The following PDK2 variants were observed in gnomAD, a reference collection of about 807,000 sequenced individuals.
The protein encoded by PDK2 is pyruvate dehydrogenase kinase 2, also known as pyruvate dehydrogenase kinase, isozyme 2.
A neutral mutation model predicts 50.4 loss-of-function variants in PDK2; 34 were observed. The observed-to-expected ratio is 0.68, with a 90% CI of 0.51 to 0.90. PDK2 has a LOEUF of 0.90. Ranked by LOEUF, PDK2 falls within the 40% of genes least tolerant of loss-of-function variation. PDK2 has a pLI of 0.00. For synonymous variants in PDK2, 232 were observed against 216.0 expected, an observed-to-expected ratio of 1.07 and a Z score of -0.65; for missense variants, 377 against 544.5, an observed-to-expected ratio of 0.69 and a Z score of 3.06.
In PDK2 at chr17:50,110,193, GGGTT is replaced by G; in HGVS notation, c.*97_*100del. ...CCATCCTCCTGGGGGAGCAGGGGGT[GGGTT>G]CTCCCTGATGACCAGGTTCTGTCTC... On this transcript the variant is annotated 3_prime_UTR_variant, in exon 11 of 11. Coordinates refer to ENST00000503176, the MANE Select transcript of PDK2 (RefSeq NM_002611.5). 1 of 1,341,288 alleles carries G rather than the reference GGGTT, an allele frequency of 7.5e-7. No individual in the cohort carries two copies. The highest frequency in any genetic ancestry group is 2.6e-5 in the East Asian group (1 of 39,024). 83.1% of individuals were successfully genotyped at this position (1,341,288 alleles called of 1,614,324 possible). A position where few individuals can be genotyped will look rare whatever the true frequency, so the allele number is the denominator to read the frequency against.
intron 4 of PDK2, chr17:50,106,315 C>A (rs1336614493): frequency 4.1e-6 from 4 of 969,288 alleles, no homozygotes; most frequent in Non-Finnish European, 5.8e-6. Context: ...TATGTCACAT[C>A]TTTAAAAGAA....
At position 50,095,364 on chromosome 17, in the gene PDK2, C is replaced by T. The variant is rs564606961; in HGVS notation, c.-72C>T. On this transcript the variant is annotated 5_prime_UTR_variant, in exon 1 of 11. Transcript: ENST00000503176. ...GGGTAGGGAGGAGGCGGCCGAACCG[C>T]GTCGCTGGGCCGAAAGGTGCGCGAG... 76 of 1,123,570 alleles carry T rather than the reference C, an allele frequency of 6.8e-5. 1 individual carries two copies. In the South Asian group the frequency reaches 6.9e-4, roughly 10 times the overall value. 69.6% of individuals were successfully genotyped at this position (1,123,570 alleles called of 1,614,324 possible).
chr17:50,104,188 C>T (rs1910382364), intron 2 of PDK2: 1 of 152,230 alleles, frequency 6.6e-6, no homozygotes, highest in Admixed American at 6.5e-5. Context: ...AGCTTGGTAC[C>T]ATCTGCCACC....
rs1338881254 is a variant in PDK2, at chr17:50,095,515, C to T, written c.80C>T (p.Ser27Phe). Reference sequence around the variant, plus strand: ...TACATAGAGCACTTCAGCAAGTTCTCCCCGTCCCCGCTGTCCATGAAGCAG... The same window carrying T: ...TACATAGAGCACTTCAGCAAGTTCTTCCCGTCCCCGCTGTCCATGAAGCAG... ...PKYIEHFSKF[S>F]PSPLSMKQFL... The change falls in exon 1 of 11, where the codon TCC (serine) becomes TTC (phenylalanine). Residue 27 changes from serine (S) to phenylalanine (F), a missense_variant. Ser to Phe is a radical substitution (Grantham distance 155). Coordinates refer to ENST00000503176, the MANE Select transcript of PDK2 (RefSeq NM_002611.5). 6.2e-6 allele frequency: 10 copies of T among 1,606,768 alleles called. No homozygotes were observed. Among genetic ancestry groups the T allele is most frequent in the Non-Finnish European group, 8.5e-6 (10 of 1,176,860 alleles).
chr17:50,096,885 C>T (rs1413486621), intron 1 of PDK2, among the ~76,000 whole-genome samples: 5 of 152,360 alleles, frequency 3.3e-5, no homozygotes, highest in African/African-American at 1.2e-4. Context: ...ATTTGGACTC[C>T]TGTTCTCAGG....
At position 50,107,147 on chromosome 17, in the gene PDK2, A is replaced by C; in HGVS notation, c.679A>C (p.Ile227Leu). Residue 227 changes from isoleucine (I) to leucine (L), a missense_variant, in exon 6 of 11, where the codon ATC becomes CTC. Physicochemically the swap from Ile to Leu is conservative, Grantham distance 5. Transcript: ENST00000503176. ...CTCACCTGACCTGGAGATCCAGGAG[A>C]TCAATGGTGAGTGAGCGGGGCTGTG... Reference protein sequence around the residue: ...MASPDLEIQEINAANSKQPIH... With the variant: ...MASPDLEIQELNAANSKQPIH... 1.2e-6 allele frequency: 2 copies of C among 1,613,754 alleles called. No individual in the cohort carries two copies. Among genetic ancestry groups the C allele is most frequent in the Non-Finnish European group, 1.7e-6 (2 of 1,179,706 alleles).
In PDK2 at chr17:50,106,863, A is replaced by G. The variant is rs779894227; in HGVS notation, c.587A>G (p.Asn196Ser). The change falls in exon 5 of 11, where the codon AAC (asparagine) becomes AGC (serine). Residue 196 changes from asparagine (N) to serine (S), a missense_variant. Transcript: ENST00000503176. ...ATCGGCAGCATCGACCCCAACTGCA[A>G]CGTCTCTGAGGTGGTCAAAGGTGAG... ...KHIGSIDPNC[N>S]VSEVVKDAYD... 30 of 1,614,058 alleles carry G rather than the reference A, an allele frequency of 1.9e-5. No individual in the cohort carries two copies. The highest frequency in any genetic ancestry group is 2.3e-5 in the Non-Finnish European group (27 of 1,179,990).
chr17:50,095,704 A>G, intron 1 of PDK2, 151 bp downstream of exon 1: 1 of 1,432,780 alleles, frequency 7.0e-7, no homozygotes, highest in South Asian at 1.5e-5. Context: ...TTAATGGGGA[A>G]GCAGGAACCG....
intron 2 of PDK2, among the ~76,000 whole-genome samples, chr17:50,103,513 A>C (rs573401278): frequency 8.1e-4 from 124 of 152,346 alleles, no homozygotes; most frequent in Non-Finnish European, 1.5e-3. Flanking sequence ...TGTGCTAATC[A>C]TCACATGGAA....
chr17:50,107,715 T>C (rs1347227503), intron 6 of PDK2, among the ~76,000 whole-genome samples: 1 of 151,966 alleles, frequency 6.6e-6, no homozygotes, highest in Non-Finnish European at 1.5e-5. Flanking sequence ...AACAAGTAAA[T>C]AAACAAGACC....
intron 6 of PDK2, 89 bp downstream of exon 6, chr17:50,107,242 T>A: frequency 2.1e-6 from 2 of 943,858 alleles, no homozygotes; most frequent in Non-Finnish European, 3.5e-6. Context: ...ATGGACTGTT[T>A]TCTAGACAGG....
intron 1 of PDK2, chr17:50,095,897 T>C: frequency 1.4e-6 from 1 of 728,568 alleles, no homozygotes; most frequent in South Asian, 4.2e-5. Flanking sequence ...GTTGTCCTCA[T>C]GACTGGAGGA....
In PDK2 at chr17:50,109,189, C is replaced by T; in HGVS notation, c.970-98C>T. 1.4e-6 allele frequency: 1 copy of T among 695,232 alleles called. No individual in the cohort carries two copies. The highest frequency in any genetic ancestry group is 2.5e-6 in the Non-Finnish European group (1 of 407,646). The allele number at this position is 695,232 out of a possible 1,614,324, so 43.1% of individuals were successfully genotyped here. A position where few individuals can be genotyped will look rare whatever the true frequency, so the allele number is the denominator to read the frequency against. On this transcript the variant is annotated intron_variant, in intron 9 of 10. Transcript: ENST00000503176. This position sits in a 1 kb window ranked among gnomAD's most constrained non-coding sequence, Gnocchi z 5.0. ...CAGCTCTGGGACCCCTGCCATGTGA[C>T]CCCAGCTCCACACCCTTCCCTCCCT...
At position 50,096,107 on chromosome 17, in the gene PDK2, C is replaced by G. The variant is rs16948701; in HGVS notation, c.118+554C>G. The G allele has an allele frequency of 3.3e-3, 3,224 of 986,188 alleles. 73 individuals carry two copies. In the African/African-American group the frequency reaches 0.053, roughly 16 times the overall value. 61.1% of individuals were successfully genotyped at this position (986,188 alleles called of 1,614,324 possible). A position where few individuals can be genotyped will look rare whatever the true frequency, so the allele number is the denominator to read the frequency against. ...GAAGATGCCATTGGGAGACAGTGCC[C>G]TGACTGGTAGACATCCACCCACAGA... On this transcript the variant is annotated intron_variant, in intron 1 of 10. Transcript: ENST00000503176.
Position 50,109,274 on chromosome 17 carries a change from T to G in PDK2, c.970-13T>G. On this transcript the variant is annotated splice_polypyrimidine_tract_variant and intron_variant, in intron 9 of 10. Transcript: ENST00000503176. The surrounding 1 kb of genome is among the most constrained non-coding windows in gnomAD (Gnocchi z 5.0). ...AGCCTCCTCATCCTCACTGCCTTCC[T>G]GCCCCGCTGCAGGCTGGCTTTGGTT... 2 of 1,590,502 alleles carry G rather than the reference T, an allele frequency of 1.3e-6. No individual in the cohort carries two copies. The highest frequency in any genetic ancestry group is 1.7e-6 in the Non-Finnish European group (2 of 1,160,560).
intron 2 of PDK2, among the ~76,000 whole-genome samples, chr17:50,102,525 G>A (rs540229850): frequency 6.6e-6 from 1 of 151,836 alleles, no homozygotes; most frequent in Admixed American, 6.6e-5. Flanking sequence ...CCTGCCTCCT[G>A]GGAAGGGGCC....
At chr17:50,094,855 G>C (rs1054063197), upstream of PDK2, 15 of 152,272 alleles carry the variant, frequency 9.9e-5, no homozygotes, top group African/African-American at 3.6e-4. Flanking sequence ...CTGGGTCACT[G>C]TCATCCGGAC....
upstream of PDK2, chr17:50,095,215 G>T (rs1380183188): frequency 4.0e-6 from 2 of 504,400 alleles, no homozygotes; most frequent in East Asian, 6.9e-5. Context: ...GCGGGCCCGG[G>T]GGAAGCCACG....
rs1051970 is a variant in PDK2 at position 50,108,668 on chromosome 17, C to T, written c.918C>T (p.Tyr306=). The change falls in exon 9 of 11, where the codon TAC becomes TAT. Residue 306 remains tyrosine (Y), a synonymous_variant. Transcript: ENST00000503176. ...GGAAGATTGAGCGACTCTTCAGCTA[C>T]ATGTACTCCACAGCACCCACCCCCC... ...PLRKIERLFS[Y]MYSTAPTPQP... 1 of 1,613,366 alleles carries T rather than the reference C, an allele frequency of 6.2e-7. No individual in the cohort carries two copies. The highest frequency in any genetic ancestry group is 1.1e-5 in the South Asian group (1 of 90,828).
Sources: gnomAD v4.1 joint callset for allele counts (sites outside exome capture counted in the v4.1 genomes callset) on GRCh38, gnomAD v4.1.1 for gene constraint, Gnocchi (gnomAD v3.1) non-coding constraint, MANE v1.5 for transcripts, NCBI Gene and HGNC (gene_info 2026-07-23, HGNC 2026-07-21) for gene names.